SLC7A14: variants seen among roughly 807,000 people sequenced by gnomAD.
SLC7A14 encodes gamma-aminobutyric acid transporter SLC7A14.
A neutral mutation model predicts 60.2 loss-of-function variants in SLC7A14; 37 were observed. The ratio of observed to expected loss-of-function variants is 0.61; its 90% CI spans 0.47 to 0.81. The LOEUF (loss-of-function observed/expected upper bound fraction) is 0.81. Among genes scored for constraint, SLC7A14 ranks in the 30% least tolerant of loss-of-function variants. SLC7A14 has a pLI of 0.00. For synonymous variants in SLC7A14, 399 were observed against 395.8 expected, an observed-to-expected ratio of 1.01 and a Z score of -0.10; for missense variants, 886 against 982.7, an observed-to-expected ratio of 0.90 and a Z score of 1.32.
At chr3:170,551,557 A>G (rs1243668162) in intron 1 of SLC7A14, among the ~76,000 whole-genome samples, 2 of 152,114 alleles carry the variant, frequency 1.3e-5, no homozygotes. Context: ...CTTCCTCAAT[A>G]TGTGTTATTG....
intron 1 of SLC7A14, among the ~76,000 whole-genome samples, chr3:170,583,514 C>A (rs1449547668): frequency 6.6e-6 from 1 of 152,152 alleles, no homozygotes; most frequent in Non-Finnish European, 1.5e-5. Flanking sequence ...GTGGGAAAGG[C>A]CCTGGGCCTG....
chr3:170,535,816 T>C lies in SLC7A14; in HGVS notation c.-152-8728A>G, dbSNP rs779339227. 2.0e-5 allele frequency among the ~76,000 whole-genome samples: 3 copies of C among 152,232 alleles called. No individual in the cohort carries two copies. The highest frequency in any genetic ancestry group is 2.9e-5 in the Non-Finnish European group (2 of 68,040). ...CATTTCAGGCAGTGGGTAGTACTCA[T>C]GTTTCTAGCCCTTGGAACTGCATTT... On this transcript the variant is annotated intron_variant, in intron 1 of 7. Coordinates refer to ENST00000231706, the MANE Select transcript of SLC7A14 (RefSeq NM_020949.3). The surrounding 1 kb of genome is among the most constrained non-coding windows in gnomAD (Gnocchi z 4.3).
intron 1 of SLC7A14, among the ~76,000 whole-genome samples, chr3:170,530,041 A>C (rs11918099): frequency 0.45 from 69,019 of 152,074 alleles, 15,914 homozygotes; most frequent in African/African-American, 0.53. Flanking sequence ...CTTAAGCCAC[A>C]TGGACCGTGG....
At position 170,512,757 on chromosome 3, in the gene SLC7A14, G is replaced by A. The variant is rs575297153; in HGVS notation, c.305-11412C>T. Among the ~76,000 whole-genome samples the A allele has an allele frequency of 1.8e-4, 25 of 136,410 alleles. No individual in the cohort carries two copies. In the South Asian group the frequency reaches 6.2e-3, roughly 34 times the overall value. The allele number at this position is 136,410 out of a possible 152,430, so 89.5% of individuals were successfully genotyped here. On this transcript the variant is annotated intron_variant, in intron 2 of 7. Coordinates refer to ENST00000231706, the MANE Select transcript of SLC7A14 (RefSeq NM_020949.3). ...CGGCTCACTGCAAGCTCCGCCTCCC[G>A]GGTTCACGCCATTCTCCTGCCTCAG...
At chr3:170,542,680 G>T (rs984083838) in intron 1 of SLC7A14, among the ~76,000 whole-genome samples, 1 of 152,240 alleles carries the variant, frequency 6.6e-6, no homozygotes, top group African/African-American at 2.4e-5. Context: ...GCCGTGGGTT[G>T]TGTGTGCATG....
chr3:170,503,849 T>G (rs1712687192), intron 2 of SLC7A14, among the ~76,000 whole-genome samples: 1 of 152,214 alleles, frequency 6.6e-6, no homozygotes, highest in African/African-American at 2.4e-5. Flanking sequence ...TTAGGTCTTG[T>G]GAATGGACCA....
chr3:170,568,525 A>T (rs1324180938), intron 1 of SLC7A14, among the ~76,000 whole-genome samples: 1 of 152,174 alleles, frequency 6.6e-6, no homozygotes, highest in Non-Finnish European at 1.5e-5. Context: ...ACTTTAAAGT[A>T]GTTTTTTCCA....
At chr3:170,542,956 G>A (rs1308089128) in intron 1 of SLC7A14, among the ~76,000 whole-genome samples, 7 of 152,158 alleles carry the variant, frequency 4.6e-5, no homozygotes, top group East Asian at 3.8e-4. Context: ...GAATCTCTTT[G>A]CTGAAAGAGT....
At chr3:170,509,521 A>G (rs576915796) in intron 2 of SLC7A14, among the ~76,000 whole-genome samples, 3 of 152,340 alleles carry the variant, frequency 2.0e-5, no homozygotes, top group African/African-American at 7.2e-5. Flanking sequence ...ATTAAATGTA[A>G]CCAACTGGCC....
intron 5 of SLC7A14, among the ~76,000 whole-genome samples, chr3:170,484,530 C>T (rs894872643): frequency 6.6e-6 from 1 of 152,182 alleles, no homozygotes; most frequent in Non-Finnish European, 1.5e-5. Flanking sequence ...TATGGGGGGC[C>T]CCCCAGGCCT....
chr3:170,465,383 GGCAAGT>G lies in SLC7A14; in HGVS notation c.*1666_*1671del, dbSNP rs1347122294. ...TCATCCATGGACTGTAGCCCCCAAGGGCAAGTGCCATGCTTCTATTCATTCCTGTCA... is the reference window on the plus strand; with the variant it reads ...TCATCCATGGACTGTAGCCCCCAAGGGCCATGCTTCTATTCATTCCTGTCA... On this transcript the variant is annotated 3_prime_UTR_variant, in exon 8 of 8. Transcript: ENST00000231706. 1 of 152,160 alleles carries G rather than the reference GGCAAGT, an allele frequency of 6.6e-6. No individual in the cohort carries two copies. The highest frequency in any genetic ancestry group is 1.5e-5 in the Non-Finnish European group (1 of 68,034). 9.4% of individuals were successfully genotyped at this position (152,160 alleles called of 1,614,324 possible).
intron 1 of SLC7A14, among the ~76,000 whole-genome samples, chr3:170,528,935 C>T (rs1360724918): frequency 6.6e-6 from 1 of 152,172 alleles, no homozygotes; most frequent in Non-Finnish European, 1.5e-5. Flanking sequence ...TAAGGAACAC[C>T]TGTTATGTGC....
intron 1 of SLC7A14, among the ~76,000 whole-genome samples, chr3:170,578,937 C>A (rs1329748623): frequency 2.0e-5 from 3 of 152,266 alleles, no homozygotes; most frequent in Non-Finnish European, 4.4e-5. Context: ...GGTTTTGAAT[C>A]TTTTTCTATG....
intron 1 of SLC7A14, among the ~76,000 whole-genome samples, chr3:170,559,020 G>A (rs1483733542): frequency 6.6e-6 from 1 of 152,178 alleles, no homozygotes; most frequent in Non-Finnish European, 1.5e-5. Context: ...GGAGGTTGAT[G>A]TCGGAATCCA....
chr3:170,581,302 T>C (rs1317164180), intron 1 of SLC7A14, among the ~76,000 whole-genome samples: 4 of 152,172 alleles, frequency 2.6e-5, no homozygotes. Flanking sequence ...CCCCTCACAC[T>C]GAGGAATATC....
rs772455195 is a variant in SLC7A14 at position 170,467,214 on chromosome 3, GTCC to G, written c.2154_2156del (p.Glu718del). 2.7e-5 allele frequency: 44 copies of G among 1,613,890 alleles called. No homozygotes were observed. The highest frequency in any genetic ancestry group is 1.3e-5 in the African/African-American group (1 of 74,920). On this transcript the variant is annotated inframe_deletion, in exon 8 of 8. Coordinates refer to ENST00000231706, the MANE Select transcript of SLC7A14 (RefSeq NM_020949.3). ...CTTTGTCTTCAGTGGGCCCGCCCCA[GTCC>G]TCCTGGCTCTCGCCCTCTGTGGCGT...
intron 1 of SLC7A14, among the ~76,000 whole-genome samples, chr3:170,536,579 C>A (rs542274862): frequency 6.6e-6 from 1 of 152,258 alleles, no homozygotes; most frequent in African/African-American, 2.4e-5. Context: ...AGTGAGAGCA[C>A]ACTATCATAC....
chr3:170,560,407 G>A (rs1194034552), intron 1 of SLC7A14, among the ~76,000 whole-genome samples: 1 of 152,054 alleles, frequency 6.6e-6, no homozygotes, highest in African/African-American at 2.4e-5. Context: ...TAAGAAAAAA[G>A]GCAAACAATA....
chr3:170,530,767 A>G (rs1029344133), intron 1 of SLC7A14, among the ~76,000 whole-genome samples: 7 of 152,226 alleles, frequency 4.6e-5, no homozygotes, highest in African/African-American at 1.7e-4. Flanking sequence ...TCTATAAGCC[A>G]GTGGGACTCT....
Sources: gnomAD v4.1 joint callset for allele counts (sites outside exome capture counted in the v4.1 genomes callset) on GRCh38, gnomAD v4.1.1 for gene constraint, Gnocchi (gnomAD v3.1) non-coding constraint, MANE v1.5 for transcripts, NCBI Gene and HGNC (gene_info 2026-07-23, HGNC 2026-07-21) for gene names.